The following DUSP29 variants were observed in gnomAD, a reference collection of about 807,000 sequenced individuals.
DUSP29 encodes atypical dual-specific protein phosphatase.
Under a neutral mutation model 13.5 loss-of-function variants are expected in DUSP29, and 12 were observed. That is an observed-to-expected ratio of 0.89 (90% CI 0.57 to 1.44). The LOEUF is 1.44. Among genes scored for constraint, DUSP29 ranks in the 40% most tolerant of loss-of-function variants. The pLI, the probability that DUSP29 is intolerant of heterozygous loss-of-function variation, is 0.00. For missense variants in DUSP29, 308 were observed against 301.1 expected, an observed-to-expected ratio of 1.02 and a Z score of -0.17; for synonymous variants, 134 against 128.7, an observed-to-expected ratio of 1.04 and a Z score of -0.28.
intron 2 of DUSP29, among the ~76,000 whole-genome samples, chr10:75,045,724 G>T (rs928856307): frequency 6.6e-6 from 1 of 152,190 alleles, no homozygotes; most frequent in Non-Finnish European, 1.5e-5. Flanking sequence ...AGCATGGTGG[G>T]CCCTGCCCGC....
chr10:75,059,021 G>A (rs889479485), intron 1 of DUSP29, among the ~76,000 whole-genome samples: 5 of 152,118 alleles, frequency 3.3e-5, no homozygotes, highest in African/African-American at 9.7e-5. Context: ...AGAGTACATC[G>A]CCAAGGCCAT....
chr10:75,069,823 C>T (rs540754014), intron 1 of DUSP29, among the ~76,000 whole-genome samples: 5 of 152,000 alleles, frequency 3.3e-5, no homozygotes, highest in African/African-American at 9.7e-5. Flanking sequence ...AGGCGGATCC[C>T]TTGAGGTGAG....
chr10:75,041,006 G>A (rs1453300046), intron 3 of DUSP29, among the ~76,000 whole-genome samples: 1 of 152,234 alleles, frequency 6.6e-6, no homozygotes, highest in Non-Finnish European at 1.5e-5. Context: ...ACACTTGGCT[G>A]AAACCAGTCA....
rs751532657 is a variant in DUSP29, at chr10:75,058,524, A to G, written c.-10T>C. Reference sequence around the variant, plus strand: ...CTTCTCCAGATGTCATTTTAGAGCCAAGGGATTTTCTCTCCTTTCTGCAGC... The same window carrying G: ...CTTCTCCAGATGTCATTTTAGAGCCGAGGGATTTTCTCTCCTTTCTGCAGC... On this transcript the variant is annotated 5_prime_UTR_variant, in exon 2 of 4. Transcript: ENST00000338487. 3 of 1,613,850 alleles carry G rather than the reference A, an allele frequency of 1.9e-6. No homozygotes were observed. The East Asian group carries it at 6.7e-5, about 36-fold the overall frequency.
In DUSP29 at chr10:75,059,606, G is replaced by T. The variant is rs1027221489; in HGVS notation, c.-34-1058C>A. On this transcript the variant is annotated intron_variant, in intron 1 of 3. Coordinates refer to ENST00000338487, the MANE Select transcript of DUSP29 (RefSeq NM_001003892.3). ...ATTAGCCCCATTTTACAGATAAGGA[G>T]GATCATGAATTGAGGCTGTCTGTAG... 5.3e-5 allele frequency among the ~76,000 whole-genome samples: 8 copies of T among 152,234 alleles called. 1 individual carries two copies. In the East Asian group the frequency reaches 1.5e-3, roughly 29 times the overall value.
intron 3 of DUSP29, among the ~76,000 whole-genome samples, chr10:75,038,568 C>T (rs1846518474): frequency 6.6e-6 from 1 of 152,212 alleles, no homozygotes; most frequent in Non-Finnish European, 1.5e-5. Context: ...CAAAGCGTTT[C>T]TTCCTCTCCC....
chr10:75,073,069 C>T (rs11001283), intron 1 of DUSP29, among the ~76,000 whole-genome samples: 12,049 of 152,010 alleles, frequency 0.079, 676 homozygotes, highest in East Asian at 0.2. Context: ...CTCCCAAACC[C>T]GCCACTCTGT....
intron 2 of DUSP29, among the ~76,000 whole-genome samples, chr10:75,044,295 C>A (rs530447377): frequency 6.6e-6 from 1 of 152,082 alleles, no homozygotes; most frequent in African/African-American, 2.4e-5. Flanking sequence ...ATTCAGTATA[C>A]ACAGCGGAAC....
intron 1 of DUSP29, among the ~76,000 whole-genome samples, chr10:75,072,396 C>G (rs946492654): frequency 6.6e-6 from 1 of 152,140 alleles, no homozygotes; most frequent in Non-Finnish European, 1.5e-5. Context: ...GCGAGCCACA[C>G]CCCCGTCGCA....
intron 3 of DUSP29, 71 bp downstream of exon 3, chr10:75,043,726 T>A: frequency 7.5e-7 from 1 of 1,327,980 alleles, no homozygotes; most frequent in Non-Finnish European, 9.9e-7. Flanking sequence ...GGGCGGGGCC[T>A]AAGCTACGGG....
rs1847240571 is a variant in DUSP29, at chr10:75,068,013, A to G, written c.-35+5556T>C. Among the ~76,000 whole-genome samples the G allele has an allele frequency of 2.0e-5, 3 of 152,094 alleles. No individual in the cohort carries two copies. In the South Asian group the frequency reaches 6.2e-4, roughly 32 times the overall value. On this transcript the variant is annotated intron_variant, in intron 1 of 3. Transcript: ENST00000338487. ...TTTTTAGTAGAGATGGGGTTTCACC[A>G]TGTTGGCTAGGCTGGTCTTGAACTC...
chr10:75,056,896 A>G (rs1564643675), intron 2 of DUSP29, among the ~76,000 whole-genome samples: 1 of 152,194 alleles, frequency 6.6e-6, no homozygotes. Context: ...TTAAAAAAAG[A>G]AAGACGAAAG....
In DUSP29 at chr10:75,038,024, G is replaced by A; in HGVS notation, c.475C>T (p.Leu159=). 6.2e-7 allele frequency: 1 copy of A among 1,613,956 alleles called. No individual in the cohort carries two copies. Among genetic ancestry groups the A allele is most frequent in the Admixed American group, 1.7e-5 (1 of 60,036 alleles). Residue 159 remains leucine, a synonymous_variant, in exon 4 of 4, where the codon CTG becomes TTG. Transcript: ENST00000338487. The part of the protein sequence containing the change: ...MGRSRSATLV[L]AYLMIHKDMT... The stretch of plus-strand genomic sequence containing the variant: ...TCCTTGTGGATCATCAGGTAGGCCA[G>A]GACCAGGGTGGCTGACCGGCTGCGG...
chr10:75,065,294 T>G (rs1227182843), intron 1 of DUSP29, among the ~76,000 whole-genome samples: 1 of 152,194 alleles, frequency 6.6e-6, no homozygotes, highest in African/African-American at 2.4e-5. Flanking sequence ...AGTAGAACCC[T>G]TGAGGCTGCA....
intron 1 of DUSP29, among the ~76,000 whole-genome samples, chr10:75,069,589 A>G (rs1450964853): frequency 6.6e-6 from 1 of 152,222 alleles, no homozygotes; most frequent in African/African-American, 2.4e-5. Flanking sequence ...GATGCTACAC[A>G]GAGGACGCTC....
At chr10:75,055,158 G>A (rs1846931022) in intron 2 of DUSP29, among the ~76,000 whole-genome samples, 3 of 151,896 alleles carry the variant, frequency 2.0e-5, no homozygotes. Context: ...TTTCATTATA[G>A]GAAATATTTA....
chr10:75,066,958 C>CTTTTTTT (rs61298475), intron 1 of DUSP29, among the ~76,000 whole-genome samples: 8 of 139,584 alleles, frequency 5.7e-5, no homozygotes, highest in East Asian at 2.1e-4. Flanking sequence ...TTTTCTTTTT[C>CTTTTTTT]TTTTTTTTTT....
intron 2 of DUSP29, among the ~76,000 whole-genome samples, chr10:75,056,731 C>T (rs917216391): frequency 1.3e-5 from 2 of 151,882 alleles, no homozygotes; most frequent in Non-Finnish European, 2.9e-5. Context: ...CAATAGCCCA[C>T]ACAAGGTAGT....
rs1333863070 is a variant in DUSP29, at chr10:75,037,545, A to G, written c.*291T>C. Among the ~76,000 whole-genome samples the G allele has an allele frequency of 6.6e-6, 1 of 152,050 alleles. No individual in the cohort carries two copies. Among genetic ancestry groups the G allele is most frequent in the Non-Finnish European group, 1.5e-5 (1 of 68,004 alleles). On this transcript the variant is annotated 3_prime_UTR_variant, in exon 4 of 4. Coordinates refer to ENST00000338487, the MANE Select transcript of DUSP29 (RefSeq NM_001003892.3). ...TAAAATCTTTTCCCTCTTCCTTCTC[A>G]CCAAAAAAACAAAACCAAAGCAGGA...
Sources: allele counts gnomAD v4.1 joint callset (sites outside exome capture counted in the v4.1 genomes callset), GRCh38; gene constraint gnomAD v4.1.1; transcripts MANE v1.5; gene names NCBI Gene and HGNC (gene_info 2026-07-23, HGNC 2026-07-21).